INTS1: variants seen among roughly 807,000 people sequenced by gnomAD.
The protein encoded by INTS1 is integrator complex subunit 1.
Under a neutral mutation model 241.6 loss-of-function variants are expected in INTS1, and 137 were observed. That is an observed-to-expected ratio of 0.57 (90% confidence interval 0.49 to 0.65). INTS1 has a LOEUF of 0.65. Ranked by LOEUF, INTS1 falls within the 30% of genes least tolerant of loss-of-function variation. INTS1 has a pLI of 0.00. For missense variants in INTS1, 3,073 were observed against 3,032.2 expected (o/e 1.01, Z -0.32); for synonymous variants, 1,692 against 1,337.8 (o/e 1.26, Z -5.78).
chr7:1,478,580 C>T (rs1202165502), intron 32 of INTS1, 74 bp from the exon 33 acceptor site: 9 of 1,548,406 alleles, frequency 5.8e-6, no homozygotes, highest in Non-Finnish European at 7.0e-6. Context: ...AGGGAGGCCC[C>T]ACGGTAGAAG....
rs1429077631 is a variant in INTS1, at chr7:1,478,448, C to G, written c.4548G>C (p.Val1516=). 2 of 1,612,376 alleles carry G rather than the reference C, an allele frequency of 1.2e-6. No homozygotes were observed. The highest frequency in any genetic ancestry group is 1.7e-6 in the Non-Finnish European group (2 of 1,179,796). Residue 1516 remains valine (V), a synonymous_variant, in exon 33 of 48, where the codon GTG becomes GTC. Transcript: ENST00000404767. ...EALAFRQDLE[V]VSSTVRAVIA... is the part of the protein sequence containing the mutation. Reference sequence around the variant, plus strand: ...TGACGGCACGGACGGTGGAGCTGACCACCTCCAGGTCCTGACGGAAGGCCA... The same window carrying G: ...TGACGGCACGGACGGTGGAGCTGACGACCTCCAGGTCCTGACGGAAGGCCA...
chr7:1,494,538 C>G (rs532055732), intron 14 of INTS1: 18 of 539,830 alleles, frequency 3.3e-5, no homozygotes, highest in East Asian at 2.6e-4. Flanking sequence ...CGTGGACGCC[C>G]TGGAAGCAAC....
At position 1,470,874 on chromosome 7, in the gene INTS1, G is replaced by C; in HGVS notation, c.6429C>G (p.Asn2143Lys). 1 of 1,594,362 alleles carries C rather than the reference G, an allele frequency of 6.3e-7. No homozygotes were observed. The highest frequency in any genetic ancestry group is 1.3e-5 in the African/African-American group (1 of 74,542). The change falls in exon 47 of 48, where the codon AAC becomes AAG. Residue 2143 changes from asparagine (N) to lysine (K), a missense_variant. Transcript: ENST00000404767. ...DFEVVQTALR[N>K]LPEYALLCQE... ...GGCACAGGAGAGCGTACTCAGGCAG[G>C]TTCCGGAGGGCCGTCTGCACCACCT... is the stretch of plus-strand genomic sequence containing the variant.
At chr7:1,503,684 A>T (rs1329914711) in intron 2 of INTS1, among the ~76,000 whole-genome samples, 1 of 152,134 alleles carries the variant, frequency 6.6e-6, no homozygotes, top group Non-Finnish European at 1.5e-5. Context: ...CTGAAACGAG[A>T]TCACCGGGGT....
rs903120079 is a variant in INTS1, at chr7:1,502,794, A to T, written c.349+107T>A. On this transcript the variant is annotated intron_variant, in intron 3 of 47. Coordinates refer to ENST00000404767, the MANE Select transcript of INTS1 (RefSeq NM_001080453.3). ...CCACAAACATCCGCTCTCCCAAAGG[A>T]CCTCGGCCATACGGGCAGCACTAGG... The T allele has an allele frequency of 4.3e-5, 53 of 1,220,932 alleles. No individual in the cohort carries two copies. In the African/African-American group the frequency reaches 7.7e-4, roughly 18 times the overall value. The allele number at this position is 1,220,932 out of a possible 1,614,324, so 75.6% of individuals were successfully genotyped here.
In INTS1 at chr7:1,499,036, C is replaced by A; in HGVS notation, c.1076G>T (p.Gly359Val). The A allele has an allele frequency of 6.3e-7, 1 of 1,579,042 alleles. No homozygotes were observed. The highest frequency in any genetic ancestry group is 8.6e-7 in the Non-Finnish European group (1 of 1,163,882). Residue 359 changes from glycine to valine, a missense_variant, in exon 8 of 48, where the codon GGC becomes GTC. Coordinates refer to ENST00000404767, the MANE Select transcript of INTS1 (RefSeq NM_001080453.3). ...CGCCAGCAGCCGCACCTCCTTATAG[C>A]CGCAGGTGGAGGTGAGGAGCCGCAG... is the stretch of plus-strand genomic sequence containing the variant. ...NLLRLLTSTC[G>V]YKEVRLLAVQ...
At chr7:1,501,517 A>C (rs189356994) in intron 3 of INTS1, among the ~76,000 whole-genome samples, 8 of 152,258 alleles carry the variant, frequency 5.3e-5, no homozygotes, top group South Asian at 2.1e-4. Context: ...GCTGAGAATA[A>C]TACTATAAAG....
chr7:1,480,063 G>A (rs1167085486), intron 30 of INTS1, among the ~76,000 whole-genome samples: 1 of 152,264 alleles, frequency 6.6e-6, no homozygotes, highest in Non-Finnish European at 1.5e-5. Context: ...GGGTGTGCAA[G>A]GATGGCAGGG....
At chr7:1,496,786 C>T (rs925218130) in intron 11 of INTS1, among the ~76,000 whole-genome samples, 4 of 152,182 alleles carry the variant, frequency 2.6e-5, no homozygotes, top group Admixed American at 6.5e-5. Flanking sequence ...TGCCTTCCAG[C>T]GCCAGCTCCC....
rs769493913 is a variant in INTS1 at position 1,476,791 on chromosome 7, C to T, written c.5063+3G>A. 6.2e-7 allele frequency: 1 copy of T among 1,612,734 alleles called. No individual in the cohort carries two copies. Among genetic ancestry groups the T allele is most frequent in the East Asian group, 2.2e-5 (1 of 44,894 alleles). ...CCCAGGTTGGGGACAGGGAGGCGCC[C>T]ACCTCTGTTCCCGGCTCTTGCCCAG... On this transcript the variant is annotated splice_donor_region_variant and intron_variant, in intron 36 of 47. Transcript: ENST00000404767.
intron 46 of INTS1, 75 bp from the exon 47 acceptor site, chr7:1,471,030 G>C: frequency 1.3e-6 from 2 of 1,513,332 alleles, no homozygotes; most frequent in Non-Finnish European, 1.8e-6. Context: ...AGGGCGAGCT[G>C]AGCCGCCTGG....
intron 16 of INTS1, among the ~76,000 whole-genome samples, 180 bp downstream of exon 16, chr7:1,492,830 T>G (rs968996124): frequency 6.8e-6 from 1 of 146,338 alleles, no homozygotes; most frequent in Non-Finnish European, 1.5e-5. Flanking sequence ...GGCGCGGGCT[T>G]ACCCGGGCGG....
intron 24 of INTS1, among the ~76,000 whole-genome samples, chr7:1,484,512 A>G (rs889840625): frequency 1.3e-5 from 2 of 152,224 alleles, no homozygotes; most frequent in Middle Eastern, 3.2e-3. Context: ...GGTTGTGGAC[A>G]AGAGAACCGT....
At chr7:1,501,454 G>A (rs988874230) in intron 3 of INTS1, among the ~76,000 whole-genome samples, 8 of 152,040 alleles carry the variant, frequency 5.3e-5, no homozygotes, top group Non-Finnish European at 1.0e-4. Flanking sequence ...AGCATGGAGG[G>A]ACAGCCTGGG....
intron 26 of INTS1, 106 bp from the exon 27 acceptor site, chr7:1,482,813 G>C (rs1183360200): frequency 2.2e-6 from 3 of 1,376,554 alleles, no homozygotes; most frequent in South Asian, 2.7e-5. Flanking sequence ...GAAGGAAACT[G>C]AGACTTGGGA....
At chr7:1,475,090 T>C (rs1428331589) in intron 39 of INTS1, among the ~76,000 whole-genome samples, 1 of 152,142 alleles carries the variant, frequency 6.6e-6, no homozygotes, top group Non-Finnish European at 1.5e-5. Context: ...AAGCCAAAAC[T>C]ACACATCGGC....
At chr7:1,470,761 G>C (rs1454947740) in intron 47 of INTS1, 69 bp from the exon 48 acceptor site, 1 of 1,472,852 alleles carries the variant, frequency 6.8e-7, no homozygotes, top group East Asian at 2.5e-5. Context: ...CCAGACCTCG[G>C]GACTCCCAAG....
At position 1,474,143 on chromosome 7, in the gene INTS1, G is replaced by C. The variant is rs191176828; in HGVS notation, c.5829+25C>G. 7.0e-4 allele frequency: 1,073 copies of C among 1,540,268 alleles called. 6 individuals are homozygous for C. The African/African-American group carries it at 0.012, about 17-fold the overall frequency. On this transcript the variant is annotated intron_variant, in intron 41 of 47. Transcript: ENST00000404767. ...GAGCAGAGGGAGTGGAAGGGAGCGCGAGGGCGGGCGGCGGGAGCACACACC... is the reference window on the plus strand; with the variant it reads ...GAGCAGAGGGAGTGGAAGGGAGCGCCAGGGCGGGCGGCGGGAGCACACACC...
rs963144047 is a variant in INTS1, at chr7:1,499,173, G to A, written c.951-12C>T. On this transcript the variant is annotated splice_polypyrimidine_tract_variant and intron_variant, in intron 7 of 47. Coordinates refer to ENST00000404767, the MANE Select transcript of INTS1 (RefSeq NM_001080453.3). ...CGAGCTCTTCGTACCTAGGCCAGAG[G>A]AGGGAGCGAGGAGGGAGGAAGGTGG... The A allele has an allele frequency of 1.6e-5, 25 of 1,606,998 alleles. No homozygotes were observed. The highest frequency in any genetic ancestry group is 2.0e-5 in the Non-Finnish European group (24 of 1,177,226).
Sources: gnomAD v4.1 joint callset for allele counts (sites outside exome capture counted in the v4.1 genomes callset) on GRCh38, gnomAD v4.1.1 for gene constraint, MANE v1.5 for transcripts, NCBI Gene and HGNC (gene_info 2026-07-23, HGNC 2026-07-21) for gene names.